The following PSMF1 variants were observed in gnomAD, a reference collection of about 807,000 sequenced individuals.
PSMF1 encodes the protein proteasome inhibitor PI31 subunit.
In PSMF1, 30 loss-of-function variants were observed where a neutral mutation model predicts 29.3. The observed-to-expected ratio is 1.02, with a 90% CI of 0.77 to 1.39. The LOEUF is 1.39. PSMF1 is among the 40% of genes most tolerant of loss of function. The pLI, the probability that PSMF1 is intolerant of heterozygous loss-of-function variation, is 0.00. For missense variants in PSMF1, 344 were observed against 357.5 expected (o/e 0.96, Z 0.31); for synonymous variants, 134 against 139.7 (o/e 0.96, Z 0.29).
upstream of PSMF1, among the ~76,000 whole-genome samples, chr20:1,113,986 C>T (rs549457685): frequency 6.7e-4 from 102 of 152,318 alleles, no homozygotes; most frequent in Non-Finnish European, 1.2e-3. Context: ...CCACCGCGCC[C>T]GGCCTGGGTT....
At chr20:1,123,873 A>T (rs1289161255) in intron 1 of PSMF1, among the ~76,000 whole-genome samples, 1 of 152,282 alleles carries the variant, frequency 6.6e-6, no homozygotes, top group Non-Finnish European at 1.5e-5. Context: ...AAACTGGGTA[A>T]TAACAGTCCG....
intron 3 of PSMF1, among the ~76,000 whole-genome samples, chr20:1,133,569 A>ATATATATATATATATTTATATTTTTTTT: frequency 1.9e-5 from 1 of 53,288 alleles, no homozygotes; most frequent in Non-Finnish European, 4.6e-5. Flanking sequence ...ATATATATAT[A>ATATATATATATATATTTATATTTTTTTT]TTTTTTTTTT....
intron 2 of PSMF1, 200 bp downstream of exon 2, chr20:1,125,850 TA>T: frequency 1.4e-6 from 1 of 738,784 alleles, no homozygotes; most frequent in Admixed American, 1.9e-5. Context: ...CACCTGGAAT[TA>T]AGAAGGAGGG....
At chr20:1,161,405 C>A in intron 4 of PSMF1, 1 of 386,356 alleles carries the variant, frequency 2.6e-6, no homozygotes, top group Non-Finnish European at 4.8e-6. Context: ...ATGAGACCAC[C>A]TTCAGCTCTA....
chr20:1,139,939 T>C lies in PSMF1; in HGVS notation c.551+4633T>C, dbSNP rs183282508. ...TTTGTACAGTGAAAACTGTAAAACATTGTTGAAAGAAATTAAAGATTTAAG... is the reference window on the plus strand; with the variant it reads ...TTTGTACAGTGAAAACTGTAAAACACTGTTGAAAGAAATTAAAGATTTAAG... On this transcript the variant is annotated intron_variant, in intron 4 of 6. Transcript: ENST00000335877. Among the ~76,000 whole-genome samples the C allele has an allele frequency of 1.8e-4, 28 of 152,216 alleles. No homozygotes were observed. The East Asian group carries it at 4.8e-3, about 26-fold the overall frequency.
In PSMF1 at chr20:1,135,118, C is replaced by T; in HGVS notation, c.366-3C>T. ...CAGTTGACTCTTCATCTGCTTCCTG[C>T]AGGACCTACAAGAACAGTGAGGAGC... On this transcript the variant is annotated splice_region_variant and splice_polypyrimidine_tract_variant and intron_variant, in intron 3 of 6. Transcript: ENST00000335877. 6.2e-7 allele frequency: 1 copy of T among 1,614,108 alleles called. No individual in the cohort carries two copies. Among genetic ancestry groups the T allele is most frequent in the Non-Finnish European group, 8.5e-7 (1 of 1,179,950 alleles).
chr20:1,122,936 T>G (rs988196184), intron 1 of PSMF1, among the ~76,000 whole-genome samples: 6 of 152,160 alleles, frequency 3.9e-5, no homozygotes, highest in African/African-American at 1.2e-4. Context: ...TAATATAAAT[T>G]TAAAGGCGTT....
At chr20:1,142,044 A>G (rs979094754) in intron 4 of PSMF1, among the ~76,000 whole-genome samples, 16 of 152,268 alleles carry the variant, frequency 1.1e-4, no homozygotes, top group Non-Finnish European at 2.1e-4. Context: ...CAACATGGTG[A>G]AACCCCGTCT....
In PSMF1 at chr20:1,169,703, A is replaced by T. The variant is rs1600182226; in HGVS notation, c.*4623A>T. 6.6e-6 allele frequency among the ~76,000 whole-genome samples: 1 copy of T among 152,306 alleles called. No homozygotes were observed. Among genetic ancestry groups the T allele is most frequent in the East Asian group, 1.9e-4 (1 of 5,190 alleles). On this transcript the variant is annotated 3_prime_UTR_variant, in exon 7 of 7. Coordinates refer to ENST00000335877, the MANE Select transcript of PSMF1 (RefSeq NM_006814.5). The stretch of plus-strand genomic sequence containing the variant: ...TGCCTATATCTGCACCAAAAAGTAG[A>T]TGTCCTTCACACTGCCATCTGGACA...
intron 4 of PSMF1, among the ~76,000 whole-genome samples, chr20:1,151,436 A>G (rs953859445): frequency 6.6e-5 from 10 of 152,236 alleles, no homozygotes; most frequent in African/African-American, 2.4e-4. Context: ...ATGTATAACA[A>G]CCCTGTGAAA....
At chr20:1,115,727 C>T (rs1473695487), upstream of PSMF1, among the ~76,000 whole-genome samples, 1 of 139,202 alleles carries the variant, frequency 7.2e-6, no homozygotes, top group East Asian at 2.2e-4. Flanking sequence ...ACCTTTTGAT[C>T]CTTAATCCAC....
chr20:1,161,447 C>T (rs1310365221), intron 4 of PSMF1: 12 of 464,902 alleles, frequency 2.6e-5, no homozygotes. Flanking sequence ...TCCACAAGGA[C>T]CTGTATGCCA....
At chr20:1,121,278 A>G (rs975829442) in intron 1 of PSMF1, among the ~76,000 whole-genome samples, 9 of 152,166 alleles carry the variant, frequency 5.9e-5, no homozygotes, top group African/African-American at 2.2e-4. Context: ...CTGGGGAATT[A>G]GGTTTTTGTA....
At chr20:1,131,052 A>G (rs1409532318) in intron 3 of PSMF1, among the ~76,000 whole-genome samples, 2 of 151,992 alleles carry the variant, frequency 1.3e-5, no homozygotes, top group Admixed American at 1.3e-4. Flanking sequence ...GAAAGGGGGA[A>G]GTGAGCCAGG....
chr20:1,118,881 C>T lies in PSMF1; in HGVS notation c.108C>T (p.Phe36=). The change falls in exon 1 of 7, where the codon TTC becomes TTT. Residue 36 remains phenylalanine (F), a synonymous_variant. Coordinates refer to ENST00000335877, the MANE Select transcript of PSMF1 (RefSeq NM_006814.5). ...LHWEVVTHGY[F]GLGVGDQPGP... is the part of the protein sequence containing the mutation. Reference sequence around the variant, plus strand: ...GGGAAGTGGTGACACACGGTTACTTCGGCTTGGGTGTCGGTGACCAGGTAC... The same window carrying T: ...GGGAAGTGGTGACACACGGTTACTTTGGCTTGGGTGTCGGTGACCAGGTAC... 6.2e-7 allele frequency: 1 copy of T among 1,613,946 alleles called. No homozygotes were observed. The highest frequency in any genetic ancestry group is 8.5e-7 in the Non-Finnish European group (1 of 1,179,840).
rs1279857266 is a variant in PSMF1, at chr20:1,125,600, C to T, written c.232C>T (p.Leu78Phe). ...RYEYKDGSRKLLVKAITVESS... is the reference protein window; with the variant it reads ...RYEYKDGSRKFLVKAITVESS... ...TGAGTATAAGGATGGGTCCAGAAAG[C>T]TCCTTGTGAAAGCCATCACCGTGGA... The change falls in exon 2 of 7, where the codon CTC (leucine) becomes TTC (phenylalanine). Residue 78 changes from leucine (L) to phenylalanine (F), a missense_variant. Coordinates refer to ENST00000335877, the MANE Select transcript of PSMF1 (RefSeq NM_006814.5). The T allele has an allele frequency of 1.2e-6, 2 of 1,613,978 alleles. No homozygotes were observed. Among genetic ancestry groups the T allele is most frequent in the Non-Finnish European group, 1.7e-6 (2 of 1,179,984 alleles).
In PSMF1 at chr20:1,137,554, AT is replaced by A. The variant is rs1400849095; in HGVS notation, c.551+2250del. ...GGTGCATGAGGATACAACATCCAAA[AT>A]TGGAATATGGAAAAATTATATAGGA... On this transcript the variant is annotated intron_variant, in intron 4 of 6. Coordinates refer to ENST00000335877, the MANE Select transcript of PSMF1 (RefSeq NM_006814.5). Among the ~76,000 whole-genome samples the A allele has an allele frequency of 2.0e-5, 3 of 152,340 alleles. No homozygotes were observed. In the East Asian group the frequency reaches 5.8e-4, roughly 29 times the overall value.
At chr20:1,133,904 G>T (rs570337253) in intron 3 of PSMF1, among the ~76,000 whole-genome samples, 74 of 151,972 alleles carry the variant, frequency 4.9e-4, no homozygotes, top group Middle Eastern at 6.8e-3. Context: ...GGATTAAGTT[G>T]TTCTTAGTAT....
chr20:1,160,354 G>A (rs2086651001), intron 4 of PSMF1, among the ~76,000 whole-genome samples: 1 of 151,948 alleles, frequency 6.6e-6, no homozygotes. Context: ...TGCACTTGGG[G>A]ACCTGCCATG....
Sources: gnomAD v4.1 joint callset for allele counts (sites outside exome capture counted in the v4.1 genomes callset) on GRCh38, gnomAD v4.1.1 for gene constraint, MANE v1.5 for transcripts, NCBI Gene and HGNC (gene_info 2026-07-23, HGNC 2026-07-21) for gene names.